The following DOCK10 variants were observed in gnomAD, a reference collection of about 807,000 sequenced individuals.
DOCK10 encodes the protein dedicator of cytokinesis 10.
In DOCK10, 145 loss-of-function variants were observed where a neutral mutation model predicts 280.1. The ratio of observed to expected loss-of-function variants is 0.52; its 90% CI spans 0.45 to 0.59. DOCK10 has a LOEUF of 0.59. DOCK10 is among the 20% of genes least tolerant of loss of function. DOCK10 has a pLI of 0.00. For missense variants in DOCK10, 2,368 were observed against 2,651.7 expected (o/e 0.89, Z 2.35); for synonymous variants, 915 against 942.2 (o/e 0.97, Z 0.53).
At position 224,893,341 on chromosome 2, in the gene DOCK10, G is replaced by A. The variant is rs75458988; in HGVS notation, c.416+2954C>T. 9.1e-3 allele frequency: 1,466 copies of A among 161,176 alleles called. 15 individuals are homozygous for A. The highest frequency in any genetic ancestry group is 0.033 in the African/African-American group (1,378 of 41,260). The allele number at this position is 161,176 out of a possible 1,614,324, so 10.0% of individuals were successfully genotyped here. On this transcript the variant is annotated intron_variant, in intron 4 of 55. Coordinates refer to ENST00000258390, the MANE Select transcript of DOCK10 (RefSeq NM_014689.3). The stretch of plus-strand genomic sequence containing the variant: ...TTTTATTAAAAAAAAAACAAAAACT[G>A]TTCTATTTCAGCCCAGCTAAGCTGG...
At chr2:224,928,381 G>T (rs1001520270) in intron 2 of DOCK10, among the ~76,000 whole-genome samples, 1 of 152,152 alleles carries the variant, frequency 6.6e-6, no homozygotes, top group Non-Finnish European at 1.5e-5. Flanking sequence ...TGGTGTCCGT[G>T]TTCAATAAAA....
intron 1 of DOCK10, among the ~76,000 whole-genome samples, chr2:224,942,925 T>G (rs1285836375): frequency 6.6e-6 from 1 of 152,224 alleles, no homozygotes; most frequent in African/African-American, 2.4e-5. Flanking sequence ...TTTTTATGAC[T>G]GTGCAGATGA....
At chr2:224,781,713 T>C (rs1429927395) in intron 50 of DOCK10, among the ~76,000 whole-genome samples, 8 of 152,218 alleles carry the variant, frequency 5.3e-5, no homozygotes, top group Non-Finnish European at 1.5e-5. Context: ...TGCAATGCAG[T>C]AAACACCTTC....
At chr2:224,817,036 A>C (rs1256367581) in intron 29 of DOCK10, among the ~76,000 whole-genome samples, 1 of 152,202 alleles carries the variant, frequency 6.6e-6, no homozygotes, top group African/African-American at 2.4e-5. Context: ...ATTCTGAAAA[A>C]AATTCCTGCT....
At chr2:225,008,224 C>T (rs1233894630) in intron 1 of DOCK10, among the ~76,000 whole-genome samples, 2 of 152,088 alleles carry the variant, frequency 1.3e-5, no homozygotes, top group East Asian at 3.9e-4. Flanking sequence ...GACTCAAATT[C>T]CTGGGCTCAA....
intron 3 of DOCK10, among the ~76,000 whole-genome samples, chr2:224,910,221 C>T (rs1055397733): frequency 2.6e-5 from 4 of 152,178 alleles, no homozygotes; most frequent in South Asian, 2.1e-4. Flanking sequence ...GCTCTACAAA[C>T]GTCAATGAAT....
chr2:225,005,656 G>A (rs78344679), intron 1 of DOCK10, among the ~76,000 whole-genome samples: 1,561 of 152,242 alleles, frequency 0.01, 26 homozygotes, highest in African/African-American at 0.034. Context: ...TTAAATAAAT[G>A]TTGCCATTCA....
Position 225,042,254 on chromosome 2 carries a change from G to A in DOCK10, c.121C>T (p.Arg41Trp), listed in dbSNP as rs540442114. Residue 41 changes from arginine (R) to tryptophan (W), a missense_variant and splice_region_variant, in exon 1 of 56, where the codon CGG becomes TGG. By Grantham distance (101) the Arg-to-Trp change is moderately radical. Coordinates refer to ENST00000258390, the MANE Select transcript of DOCK10 (RefSeq NM_014689.3). The surrounding 1 kb of genome is among the most constrained non-coding windows in gnomAD (Gnocchi z 5.1). ...AVAVSSRQQQ[R>W]QEKPRLLEPL... is the part of the protein sequence containing the mutation. ...CGCGGAGGACGCGCCGCACTCACCC[G>A]CTGCTGCTGCCGGCTGCTGACTGCC... 3 of 1,297,844 alleles carry A rather than the reference G, an allele frequency of 2.3e-6. No homozygotes were observed. Among genetic ancestry groups the A allele is most frequent in the South Asian group, 2.3e-5 (1 of 42,826 alleles). The allele number at this position is 1,297,844 out of a possible 1,614,324, so 80.4% of individuals were successfully genotyped here.
chr2:224,915,834 T>G (rs1422021752), intron 3 of DOCK10, among the ~76,000 whole-genome samples: 2 of 152,252 alleles, frequency 1.3e-5, no homozygotes, highest in Non-Finnish European at 2.9e-5. Flanking sequence ...TAAAGCTGCC[T>G]GGAGTCTGGT....
intron 31 of DOCK10, among the ~76,000 whole-genome samples, chr2:224,809,482 T>A (rs1200200739): frequency 6.6e-6 from 1 of 152,150 alleles, no homozygotes; most frequent in East Asian, 1.9e-4. Flanking sequence ...TACAAGGAAC[T>A]CATACAACAT....
chr2:224,771,163 G>T (rs1690418010), intron 53 of DOCK10, among the ~76,000 whole-genome samples: 1 of 152,118 alleles, frequency 6.6e-6, no homozygotes, highest in African/African-American at 2.4e-5. Flanking sequence ...GTCCCGGCTA[G>T]TCTGGAACTC....
chr2:224,862,561 G>A (rs767971802), intron 14 of DOCK10, 103 bp downstream of exon 14: 11 of 862,516 alleles, frequency 1.3e-5, no homozygotes, highest in Non-Finnish European at 2.1e-5. Context: ...TCTAGGTGTA[G>A]ACACATTAAA....
In DOCK10 at chr2:224,800,936, G is replaced by C. The variant is rs555258510; in HGVS notation, c.4394-673C>G. Among the ~76,000 whole-genome samples, 68 of 152,218 alleles carry C rather than the reference G, an allele frequency of 4.5e-4. 1 individual carries two copies. The South Asian group carries it at 0.013, about 28-fold the overall frequency. On this transcript the variant is annotated intron_variant, in intron 40 of 55. Transcript: ENST00000258390. ...CTGGAAAGGCAGGACAACTGAAAGTGGGGGAGAGGGGCACTTCCAGGTTAT... is the reference window on the plus strand; with the variant it reads ...CTGGAAAGGCAGGACAACTGAAAGTCGGGGAGAGGGGCACTTCCAGGTTAT...
intron 11 of DOCK10, among the ~76,000 whole-genome samples, chr2:224,873,594 CAA>C (rs35401247): frequency 1.4e-3 from 46 of 33,640 alleles, no homozygotes; most frequent in African/African-American, 3.9e-3. Flanking sequence ...AAGACCATCT[CAA>C]AAAAAAAAAA....
At chr2:224,821,345 T>A (rs2125325632) in intron 28 of DOCK10, among the ~76,000 whole-genome samples, 1 of 152,250 alleles carries the variant, frequency 6.6e-6, no homozygotes, top group African/African-American at 2.4e-5. Context: ...CAAAAAGAGG[T>A]AGCAGTCATT....
intron 1 of DOCK10, among the ~76,000 whole-genome samples, chr2:225,006,262 A>G (rs1689245263): frequency 6.6e-6 from 1 of 152,092 alleles, no homozygotes; most frequent in South Asian, 2.1e-4. Flanking sequence ...TCCTAACTGC[A>G]ATTCTTGTCT....
intron 4 of DOCK10, among the ~76,000 whole-genome samples, chr2:224,890,474 C>G (rs1447037782): frequency 1.3e-5 from 2 of 152,140 alleles, no homozygotes; most frequent in Non-Finnish European, 2.9e-5. Context: ...CTGAGATAGA[C>G]TATAAATTTC....
chr2:224,775,121 T>C lies in DOCK10; in HGVS notation c.5803-6A>G. ...TCCAAATCCTTGGGGTTTACCTGTG[T>C]TAACAGATTATGGGCAAAGTGAGTG... On this transcript the variant is annotated splice_polypyrimidine_tract_variant and splice_region_variant and intron_variant, in intron 51 of 55. Transcript: ENST00000258390. 6.2e-7 allele frequency: 1 copy of C among 1,613,794 alleles called. No homozygotes were observed. Among genetic ancestry groups the C allele is most frequent in the Non-Finnish European group, 8.5e-7 (1 of 1,179,708 alleles).
At chr2:224,900,299 T>G (rs143664962) in intron 3 of DOCK10, among the ~76,000 whole-genome samples, 1 of 152,198 alleles carries the variant, frequency 6.6e-6, no homozygotes, top group Non-Finnish European at 1.5e-5. Context: ...CACAAAACTT[T>G]CTTTTTTTAA....
Sources: gnomAD v4.1 joint callset for allele counts (sites outside exome capture counted in the v4.1 genomes callset) on GRCh38, gnomAD v4.1.1 for gene constraint, Gnocchi (gnomAD v3.1) non-coding constraint, MANE v1.5 for transcripts, NCBI Gene and HGNC (gene_info 2026-07-23, HGNC 2026-07-21) for gene names.